SLC7A2: variants seen among roughly 807,000 people sequenced by gnomAD.
SLC7A2 encodes the protein solute carrier family 7 member 2.
In SLC7A2, 48 loss-of-function variants were observed where a neutral mutation model predicts 58.9. That is an observed-to-expected ratio of 0.82 (90% confidence interval 0.65 to 1.04). The LOEUF is 1.04. Among genes scored for constraint, SLC7A2 ranks in the 50% least tolerant of loss-of-function variants. The pLI, the probability that SLC7A2 is intolerant of heterozygous loss-of-function variation, is 0.00. For synonymous variants in SLC7A2, 363 were observed against 314.5 expected (o/e 1.15, Z -1.63); for missense variants, 1,029 against 818.8 (o/e 1.26, Z -3.13).
intron 6 of SLC7A2, 77 bp downstream of exon 6, chr8:17,550,511 G>A (rs1324742861): frequency 1.4e-6 from 2 of 1,397,210 alleles, no homozygotes; most frequent in South Asian, 1.3e-5. Context: ...GTAGCAGAGG[G>A]TCCAGGAAAG....
At chr8:17,558,442 C>A in intron 9 of SLC7A2, 45 bp downstream of exon 9, 1 of 1,268,886 alleles carries the variant, frequency 7.9e-7, no homozygotes, top group Non-Finnish European at 1.1e-6. Context: ...GCACGAGGGA[C>A]TCTGGGAGTG....
intron 2 of SLC7A2, among the ~76,000 whole-genome samples, chr8:17,508,096 TA>T (rs899240723): frequency 1.3e-3 from 194 of 148,742 alleles, no homozygotes; most frequent in Non-Finnish European, 2.1e-3. Context: ...TCTTTTTTTT[TA>T]AAAAAAAAAG....
intron 3 of SLC7A2, among the ~76,000 whole-genome samples, chr8:17,544,218 G>C (rs1048381353): frequency 6.6e-6 from 1 of 152,132 alleles, no homozygotes; most frequent in Admixed American, 6.5e-5. Flanking sequence ...CTTTTAGTGG[G>C]CTTGCAAACT....
At chr8:17,516,060 A>T (rs1396023196) in intron 2 of SLC7A2, among the ~76,000 whole-genome samples, 1 of 152,144 alleles carries the variant, frequency 6.6e-6, no homozygotes, top group Admixed American at 6.5e-5. Flanking sequence ...GAAAGTTATC[A>T]TCTCTTTTCT....
At chr8:17,559,846 G>A (rs1802879743) in intron 9 of SLC7A2, among the ~76,000 whole-genome samples, 1 of 152,156 alleles carries the variant, frequency 6.6e-6, no homozygotes, top group South Asian at 2.1e-4. Context: ...GAAGTGGCAG[G>A]ATGGTCAGAT....
intron 6 of SLC7A2, among the ~76,000 whole-genome samples, chr8:17,551,076 G>A (rs375568828): frequency 5.3e-5 from 8 of 152,284 alleles, no homozygotes; most frequent in Middle Eastern, 3.4e-3. Flanking sequence ...GAATGGCACA[G>A]CAGTCATTTA....
chr8:17,555,405 A>C (rs1323018568), intron 8 of SLC7A2, among the ~76,000 whole-genome samples: 1 of 152,206 alleles, frequency 6.6e-6, no homozygotes, highest in African/African-American at 2.4e-5. Context: ...ACTAGCACAC[A>C]AAATTATATT....
intron 2 of SLC7A2, among the ~76,000 whole-genome samples, chr8:17,513,540 C>A (rs943736984): frequency 6.6e-6 from 1 of 152,138 alleles, no homozygotes; most frequent in Non-Finnish European, 1.5e-5. Context: ...TTATTTTTCT[C>A]ATTTCAGTAA....
intron 2 of SLC7A2, among the ~76,000 whole-genome samples, chr8:17,522,443 AC>A (rs1801052351): frequency 6.6e-6 from 1 of 152,208 alleles, no homozygotes; most frequent in East Asian, 1.9e-4. Flanking sequence ...AAGAAGCAGG[AC>A]TGAACCTGCA....
intron 2 of SLC7A2, among the ~76,000 whole-genome samples, chr8:17,519,901 C>T (rs1800947288): frequency 1.3e-5 from 2 of 152,164 alleles, no homozygotes; most frequent in African/African-American, 4.8e-5. Flanking sequence ...GCTTCTTCTT[C>T]TGTGAACCCT....
At chr8:17,515,677 C>T (rs138312099) in intron 2 of SLC7A2, among the ~76,000 whole-genome samples, 72 of 152,284 alleles carry the variant, frequency 4.7e-4, no homozygotes, top group African/African-American at 1.7e-3. Flanking sequence ...TGTACCTACC[C>T]ATATCTGACT....
Position 17,558,372 on chromosome 8 carries a change from G to A in SLC7A2, c.1273G>A (p.Val425Met). The stretch of plus-strand genomic sequence containing the variant: ...TGGCACACTCATGGCCTACTCTCTG[G>A]TGGCAGCCTGTGTTCTCATCCTCAG... ...SIGTLMAYSLVAACVLILRYQ... is the reference protein window; with the variant it reads ...SIGTLMAYSLMAACVLILRYQ... The change falls in exon 9 of 13, where the codon GTG becomes ATG. Residue 425 changes from valine (V) to methionine (M), a missense_variant. Val to Met is a conservative substitution (Grantham distance 21). Coordinates refer to ENST00000494857, the MANE Select transcript of SLC7A2 (RefSeq NM_001370338.1). The A allele has an allele frequency of 1.2e-6, 2 of 1,612,838 alleles. No homozygotes were observed. The highest frequency in any genetic ancestry group is 1.7e-6 in the Non-Finnish European group (2 of 1,179,144).
At chr8:17,508,564 A>G (rs986424982) in intron 2 of SLC7A2, among the ~76,000 whole-genome samples, 1 of 152,088 alleles carries the variant, frequency 6.6e-6, no homozygotes, top group Non-Finnish European at 1.5e-5. Flanking sequence ...TCTCTACTAA[A>G]AATACAAAAA....
At chr8:17,509,133 T>G (rs1800492932) in intron 2 of SLC7A2, among the ~76,000 whole-genome samples, 1 of 152,138 alleles carries the variant, frequency 6.6e-6, no homozygotes, top group Admixed American at 6.6e-5. Flanking sequence ...GTTTAAAGAA[T>G]GGGCCTTTCC....
At chr8:17,496,973 G>C (rs1799975429), upstream of SLC7A2, 1 of 151,032 alleles carries the variant, frequency 6.6e-6, no homozygotes, top group Non-Finnish European at 1.5e-5. Context: ...CCGGGGCCCG[G>C]CGGGAGGCGG....
chr8:17,546,023 T>G (rs892961305), intron 4 of SLC7A2, among the ~76,000 whole-genome samples: 1 of 152,192 alleles, frequency 6.6e-6, no homozygotes, highest in Non-Finnish European at 1.5e-5. Flanking sequence ...CTAAAATGTT[T>G]TGCATTTTGA....
chr8:17,547,823 T>TGTGTG (rs1802249800), intron 4 of SLC7A2, among the ~76,000 whole-genome samples: 1 of 149,026 alleles, frequency 6.7e-6, no homozygotes, highest in East Asian at 2.0e-4. Context: ...TGTGTGTGTG[T>TGTGTG]TTACAAAATT....
intron 1 of SLC7A2, among the ~76,000 whole-genome samples, chr8:17,499,575 C>G (rs546024157): frequency 8.7e-5 from 13 of 149,024 alleles, no homozygotes; most frequent in South Asian, 2.1e-4. Context: ...TTTAAAGACT[C>G]TTATAGACTA....
At chr8:17,560,279 G>T in intron 9 of SLC7A2, 49 bp from the exon 10 acceptor site, 1 of 1,468,420 alleles carries the variant, frequency 6.8e-7, no homozygotes, top group African/African-American at 1.4e-5. Flanking sequence ...TTTCACTTGG[G>T]CCAAATGTCT....
Sources: gnomAD v4.1 joint callset for allele counts (sites outside exome capture counted in the v4.1 genomes callset) on GRCh38, gnomAD v4.1.1 for gene constraint, MANE v1.5 for transcripts, NCBI Gene and HGNC (gene_info 2026-07-23, HGNC 2026-07-21) for gene names.